ADGRL2: variants seen among roughly 807,000 people sequenced by gnomAD.
ADGRL2 encodes adhesion G protein-coupled receptor L2.
In ADGRL2, 44 loss-of-function variants were observed where a neutral mutation model predicts 157.4. The ratio of observed to expected loss-of-function variants is 0.28; its 90% CI spans 0.22 to 0.36. The LOEUF (loss-of-function observed/expected upper bound fraction) is 0.36, where lower values mean the gene tolerates loss of function less well. ADGRL2 is among the 10% of genes least tolerant of loss of function. ADGRL2 has a pLI of 1.00. For missense variants in ADGRL2, 1,510 were observed against 1,768.9 expected (o/e 0.85, Z 2.63); for synonymous variants, 585 against 624.7 (o/e 0.94, Z 0.95).
At chr1:81,913,995 T>TACAC (rs150093627) in intron 3 of ADGRL2, among the ~76,000 whole-genome samples, 10 of 147,768 alleles carry the variant, frequency 6.8e-5, no homozygotes, top group South Asian at 4.3e-4. Flanking sequence ...AATGCACACA[T>TACAC]ACACACACAC....
intron 2 of ADGRL2, 30 bp from the exon 3 acceptor site, chr1:81,906,987 A>G (rs373315157): frequency 2.0e-6 from 3 of 1,523,110 alleles, no homozygotes; most frequent in African/African-American, 1.4e-5. Flanking sequence ...AATGAGTTAC[A>G]GTTTAATTTT....
At chr1:81,636,071 A>G (rs1036913200) in intron 3 of ADGRL2, among the ~76,000 whole-genome samples, 1 of 152,176 alleles carries the variant, frequency 6.6e-6, no homozygotes, top group African/African-American at 2.4e-5. Flanking sequence ...AACAGTATCC[A>G]GACTAGAGGA....
upstream of ADGRL2, among the ~76,000 whole-genome samples, chr1:81,795,434 A>G (rs914480188): frequency 6.6e-6 from 1 of 152,158 alleles, no homozygotes; most frequent in Non-Finnish European, 1.5e-5. Context: ...GTGTTTAAAA[A>G]ATACTAAGGG....
At chr1:81,603,349 A>ATG (rs145608495) in intron 3 of ADGRL2, among the ~76,000 whole-genome samples, 9 of 152,046 alleles carry the variant, frequency 5.9e-5, no homozygotes, top group South Asian at 4.2e-4. Flanking sequence ...ATGTGTATGC[A>ATG]TGTGTGTGTG....
intron 4 of ADGRL2, among the ~76,000 whole-genome samples, chr1:81,938,089 T>G (rs1316467351): frequency 6.6e-6 from 1 of 151,772 alleles, no homozygotes; most frequent in Non-Finnish European, 1.5e-5. Context: ...TTCAGTATTT[T>G]CTGTACCATT....
intron 1 of ADGRL2, among the ~76,000 whole-genome samples, chr1:81,400,104 G>A (rs956755614): frequency 6.6e-6 from 1 of 152,062 alleles, no homozygotes; most frequent in Non-Finnish European, 1.5e-5. Flanking sequence ...TGTGGCAGTG[G>A]TGCTGGTAGC....
At chr1:81,927,554 C>T (rs1296080179) in intron 3 of ADGRL2, among the ~76,000 whole-genome samples, 3 of 151,760 alleles carry the variant, frequency 2.0e-5, no homozygotes, top group African/African-American at 7.3e-5. Flanking sequence ...GCATATTATG[C>T]TAGAGATTCT....
chr1:81,658,347 G>A (rs989882987), intron 3 of ADGRL2, among the ~76,000 whole-genome samples: 4 of 152,080 alleles, frequency 2.6e-5, no homozygotes, highest in Admixed American at 2.0e-4. Context: ...CACCTGCCTC[G>A]GCCTCCCAAA....
intron 16 of ADGRL2, among the ~76,000 whole-genome samples, chr1:81,970,831 A>G (rs1658517808): frequency 6.6e-6 from 1 of 152,176 alleles, no homozygotes; most frequent in African/African-American, 2.4e-5. Context: ...TTAAGTAAAA[A>G]TTCTTCTGAA....
At chr1:81,501,244 C>T (rs1393072527) in intron 2 of ADGRL2, among the ~76,000 whole-genome samples, 1 of 152,232 alleles carries the variant, frequency 6.6e-6, no homozygotes, top group East Asian at 1.9e-4. Flanking sequence ...CACAACATAG[C>T]ATTTTAGCCT....
chr1:81,504,294 C>A (rs951105699), intron 2 of ADGRL2, among the ~76,000 whole-genome samples: 2 of 152,242 alleles, frequency 1.3e-5, no homozygotes, highest in Admixed American at 6.5e-5. Context: ...CCTCCCCAGT[C>A]CTCCCCAGCC....
At chr1:81,695,064 C>T (rs1039384193), upstream of ADGRL2, among the ~76,000 whole-genome samples, 3 of 151,824 alleles carry the variant, frequency 2.0e-5, no homozygotes, top group Non-Finnish European at 4.4e-5. Context: ...CTTTTATTTC[C>T]TATTAATTCT....
At chr1:81,909,229 G>GT (rs200551041) in intron 3 of ADGRL2, among the ~76,000 whole-genome samples, 35 of 150,752 alleles carry the variant, frequency 2.3e-4, no homozygotes, top group Middle Eastern at 3.4e-3. Flanking sequence ...AAATTGAGGG[G>GT]TTTTTTTTTA....
chr1:81,704,720 C>T (rs555134032), intron 1 of ADGRL2, among the ~76,000 whole-genome samples: 78 of 152,238 alleles, frequency 5.1e-4, no homozygotes, highest in African/African-American at 1.4e-3. Context: ...GATTTTTAAA[C>T]AAAGGAATGA....
At chr1:81,476,518 T>G (rs1174041795) in intron 2 of ADGRL2, among the ~76,000 whole-genome samples, 1 of 152,208 alleles carries the variant, frequency 6.6e-6, no homozygotes, top group Non-Finnish European at 1.5e-5. Context: ...CTGTGCTTTT[T>G]CACCTCAAGC....
At chr1:81,713,971 C>T (rs570109154) in intron 1 of ADGRL2, among the ~76,000 whole-genome samples, 152 of 152,292 alleles carry the variant, frequency 1.0e-3, no homozygotes, top group Non-Finnish European at 1.9e-3. Flanking sequence ...ACAATCATGG[C>T]AGAAGGTGAA....
At chr1:81,757,688 C>A (rs1355607760) in intron 1 of ADGRL2, among the ~76,000 whole-genome samples, 4 of 152,192 alleles carry the variant, frequency 2.6e-5, no homozygotes, top group African/African-American at 9.7e-5. Context: ...TTGTTCATTG[C>A]TCAATTAAAC....
intron 2 of ADGRL2, among the ~76,000 whole-genome samples, chr1:81,498,730 C>G (rs1233109782): frequency 6.6e-6 from 1 of 152,062 alleles, no homozygotes; most frequent in Non-Finnish European, 1.5e-5. Context: ...GCCATGAATT[C>G]CAGTTTAAAA....
chr1:81,730,981 T>C (rs964311709), intron 1 of ADGRL2, among the ~76,000 whole-genome samples: 1 of 152,218 alleles, frequency 6.6e-6, no homozygotes, highest in Non-Finnish European at 1.5e-5. Context: ...TCAGATATGG[T>C]AAAATTATGA....
Sources: allele counts gnomAD v4.1 joint callset (sites outside exome capture counted in the v4.1 genomes callset), GRCh38; gene constraint gnomAD v4.1.1; transcripts MANE v1.5; gene names NCBI Gene and HGNC (gene_info 2026-07-23, HGNC 2026-07-21).